Variants in DHX29 observed in about 807,000 individuals in gnomAD.
DHX29 encodes ATP-dependent RNA helicase DHX29.
A neutral mutation model predicts 167.9 loss-of-function variants in DHX29; 79 were observed. The ratio of observed to expected loss-of-function variants is 0.47; its 90% CI spans 0.39 to 0.57. DHX29 has a LOEUF of 0.57. Among genes scored for constraint, DHX29 ranks in the 20% least tolerant of loss-of-function variants. DHX29 has a pLI of 0.00. For synonymous variants in DHX29, 530 were observed against 546.0 expected, an observed-to-expected ratio of 0.97 and a Z score of 0.41; for missense variants, 1,347 against 1,593.4, an observed-to-expected ratio of 0.85 and a Z score of 2.63.
Position 55,294,135 on chromosome 5 carries a change from T to C in DHX29, c.662A>G (p.Glu221Gly). The change falls in exon 6 of 27, where the codon GAA becomes GGA. Residue 221 changes from glutamate (E) to glycine (G), a missense_variant. Physicochemically the swap from Glu to Gly is moderately conservative, Grantham distance 98. Coordinates refer to ENST00000251636, the MANE Select transcript of DHX29 (RefSeq NM_019030.4). The stretch of plus-strand genomic sequence containing the variant: ...CATATTTACTTCCATATTTTTTTCT[T>C]CCTTTTTTGGCTAGAAAGAGAAAAC... Reference protein sequence around the residue: ...EEDPKSKPKKEEKNMEVNMKE... With the variant: ...EEDPKSKPKKGEKNMEVNMKE... 4 of 1,590,350 alleles carry C rather than the reference T, an allele frequency of 2.5e-6. No homozygotes were observed. Among genetic ancestry groups the C allele is most frequent in the Non-Finnish European group, 3.4e-6 (4 of 1,172,656 alleles).
chr5:55,264,330 A>C (rs1461589103), intron 23 of DHX29, among the ~76,000 whole-genome samples: 1 of 152,118 alleles, frequency 6.6e-6, no homozygotes, highest in Non-Finnish European at 1.5e-5. Flanking sequence ...AATGGGCTAA[A>C]CCATCTGGTT....
rs754652381 is a variant in DHX29, at chr5:55,307,519, C to T, written c.55G>A (p.Ala19Thr). 4 of 1,613,464 alleles carry T rather than the reference C, an allele frequency of 2.5e-6. No homozygotes were observed. Among genetic ancestry groups the T allele is most frequent in the Non-Finnish European group, 2.5e-6 (3 of 1,179,934 alleles). The change falls in exon 1 of 27, where the codon GCC (alanine) becomes ACC (threonine). Residue 19 changes from alanine to threonine, a missense_variant. Ala to Thr is a moderately conservative substitution (Grantham distance 58, BLOSUM62 0). Around this residue, in one of 3 missense-constraint regions of DHX29, gnomAD observed 405 missense variants for 416.8 expected, o/e 0.97. Coordinates refer to ENST00000251636, the MANE Select transcript of DHX29 (RefSeq NM_019030.4). ...GATTTGGCTCTGGAAGCAGACACGG[C>T]GGCCCGGACCACCGCGGCCGCTGGA... ...KAPAAAVVRA[A>T]VSASRAKSAE...
intron 2 of DHX29, 45 bp from the exon 3 acceptor site, chr5:55,297,443 A>G: frequency 1.2e-6 from 1 of 820,698 alleles, no homozygotes; most frequent in Non-Finnish European, 2.0e-6. Flanking sequence ...CTAAATTATT[A>G]AAAAATTAAA....
At chr5:55,283,168 A>G (rs539359596) in intron 11 of DHX29, 35 bp downstream of exon 11, 1 of 1,545,298 alleles carries the variant, frequency 6.5e-7, no homozygotes, top group South Asian at 1.2e-5. Flanking sequence ...TAATGTCACC[A>G]TCATTCACTG....
chr5:55,285,750 T>A lies in DHX29; in HGVS notation c.1178A>T (p.Lys393Met). The change falls in exon 9 of 27, where the codon AAG (lysine) becomes ATG (methionine). Residue 393 changes from lysine (K) to methionine (M), a missense_variant. Transcript: ENST00000251636. Reference sequence around the variant, plus strand: ...TTTTTCAAAGGAAGGATTTGGACTCTTGGGAAGATTCTTCCTGACCCAATC... The same window carrying A: ...TTTTTCAAAGGAAGGATTTGGACTCATGGGAAGATTCTTCCTGACCCAATC... ...LIDWVRKNLP[K>M]SPNPSFEKVP... 6.2e-7 allele frequency: 1 copy of A among 1,604,332 alleles called. No homozygotes were observed. The highest frequency in any genetic ancestry group is 2.2e-5 in the East Asian group (1 of 44,600).
At chr5:55,279,774 T>C (rs1747308071) in intron 12 of DHX29, 1 of 152,326 alleles carries the variant, frequency 6.6e-6, no homozygotes, top group African/African-American at 2.4e-5. Flanking sequence ...CTCCCTTATA[T>C]TGTCCAGGCT....
At chr5:55,296,074 T>C (rs1579814681) in intron 4 of DHX29, 146 bp downstream of exon 4, 4 of 869,846 alleles carry the variant, frequency 4.6e-6, no homozygotes, top group East Asian at 5.8e-5. Context: ...AAGGAAAATA[T>C]CCTGAAAAGA....
At chr5:55,276,824 G>A (rs1579776878) in intron 13 of DHX29, among the ~76,000 whole-genome samples, 1 of 152,214 alleles carries the variant, frequency 6.6e-6, no homozygotes, top group African/African-American at 2.4e-5. Flanking sequence ...GACCAGGGAA[G>A]GGCAGCAACT....
chr5:55,274,540 G>C (rs1747010396), intron 16 of DHX29, 74 bp downstream of exon 16: 1 of 1,129,656 alleles, frequency 8.9e-7, no homozygotes, highest in Non-Finnish European at 1.3e-6. Flanking sequence ...TGAAAACTCT[G>C]ATCAAGGGTT....
chr5:55,280,848 T>C (rs915566659), intron 12 of DHX29, among the ~76,000 whole-genome samples: 2 of 152,126 alleles, frequency 1.3e-5, no homozygotes, highest in African/African-American at 4.8e-5. Context: ...TTGAACATTA[T>C]GAAATGCTAC....
chr5:55,277,754 A>G (rs1423761306), intron 12 of DHX29, among the ~76,000 whole-genome samples: 2 of 151,856 alleles, frequency 1.3e-5, no homozygotes, highest in Non-Finnish European at 2.9e-5. Flanking sequence ...AAAAATACAA[A>G]AATTAGCCGG....
intron 1 of DHX29, among the ~76,000 whole-genome samples, chr5:55,300,698 A>G (rs1288272398): frequency 6.6e-6 from 1 of 152,206 alleles, no homozygotes; most frequent in Non-Finnish European, 1.5e-5. Context: ...CCTCAACAAA[A>G]TAATAAAAAT....
intron 2 of DHX29, 64 bp downstream of exon 2, chr5:55,298,527 A>T (rs1161642349): frequency 1.0e-6 from 1 of 985,684 alleles, no homozygotes; most frequent in East Asian, 2.4e-5. Flanking sequence ...TTAAGGATAC[A>T]TCTTTTTTGG....
At chr5:55,264,170 C>T (rs4865928) in intron 23 of DHX29, among the ~76,000 whole-genome samples, 9,153 of 152,010 alleles carry the variant, frequency 0.06, 485 homozygotes, top group Admixed American at 0.12. Flanking sequence ...TTAAACATCA[C>T]TTCCTTTTAA....
chr5:55,282,172 A>T (rs1456295548), intron 11 of DHX29, among the ~76,000 whole-genome samples: 1 of 152,238 alleles, frequency 6.6e-6, no homozygotes, highest in Non-Finnish European at 1.5e-5. Context: ...AAACATTAAT[A>T]AATGTTGAAT....
intron 26 of DHX29, among the ~76,000 whole-genome samples, chr5:55,259,609 A>T (rs555599811): frequency 1.2e-4 from 19 of 152,276 alleles, no homozygotes; most frequent in African/African-American, 4.1e-4. Context: ...GGTGCCCGCC[A>T]CCATGCCCAG....
intron 26 of DHX29, among the ~76,000 whole-genome samples, chr5:55,258,718 C>T (rs440057): frequency 0.88 from 133,230 of 152,090 alleles, 58,522 homozygotes; most frequent in South Asian, 0.92. Context: ...GCCCGGCTAA[C>T]TTTTTTTAAT....
rs542958623 is a variant in DHX29 at position 55,259,931 on chromosome 5, A to G, written c.3974T>C (p.Ile1325Thr). Residue 1325 changes from isoleucine to threonine, a missense_variant, in exon 26 of 27, where the codon ATA (isoleucine) becomes ACA (threonine). Coordinates refer to ENST00000251636, the MANE Select transcript of DHX29 (RefSeq NM_019030.4). ...TCTCAGCTGCTTGAAAATGACAGCT[A>G]TCTTTACAGGGGCCTGTTAAGAGGA... ...GWIYFQAPVK[I>T]AVIFKQLRVL... is the part of the protein sequence containing the mutation. The G allele has an allele frequency of 2.1e-5, 34 of 1,610,040 alleles. No individual in the cohort carries two copies. The highest frequency in any genetic ancestry group is 1.8e-4 in the South Asian group (16 of 90,904).
At chr5:55,273,185 C>T in intron 17 of DHX29, 108 bp downstream of exon 17, 1 of 1,208,148 alleles carries the variant, frequency 8.3e-7, no homozygotes, top group Non-Finnish European at 1.1e-6. Flanking sequence ...TGGCAATGCG[C>T]TATAAGGCAC....
Sources: allele counts gnomAD v4.1 joint callset (sites outside exome capture counted in the v4.1 genomes callset), GRCh38; gene constraint gnomAD v4.1.1; regional missense constraint gnomAD v4.1.1; transcripts MANE v1.5; gene names NCBI Gene and HGNC (gene_info 2026-07-23, HGNC 2026-07-21).